DSCAM: variants seen among roughly 807,000 people sequenced by gnomAD.
The protein encoded by DSCAM is cell adhesion molecule DSCAM.
Under a neutral mutation model 217.7 loss-of-function variants are expected in DSCAM, and 47 were observed. The observed-to-expected ratio is 0.22, with a 90% CI of 0.17 to 0.28. The LOEUF is 0.28. Among genes scored for constraint, DSCAM ranks in the 10% least tolerant of loss-of-function variants. The pLI, the probability that DSCAM is intolerant of heterozygous loss-of-function variation, is 1.00. For synonymous variants in DSCAM, 1,056 were observed against 1,015.3 expected (o/e 1.04, Z -0.76); for missense variants, 2,080 against 2,618.3 (o/e 0.79, Z 4.49).
chr21:40,449,984 TG>T (rs1469632996), intron 3 of DSCAM, among the ~76,000 whole-genome samples: 1 of 152,232 alleles, frequency 6.6e-6, no homozygotes, highest in Non-Finnish European at 1.5e-5. Flanking sequence ...TTTGATTTTT[TG>T]TGTTTCTTTT....
At chr21:40,393,618 T>A (rs539395915) in intron 3 of DSCAM, among the ~76,000 whole-genome samples, 1 of 152,276 alleles carries the variant, frequency 6.6e-6, no homozygotes, top group South Asian at 2.1e-4. Flanking sequence ...TCCCACATAA[T>A]TCCATTACCA....
chr21:40,039,991 G>A (rs908038620), intron 32 of DSCAM, among the ~76,000 whole-genome samples: 5 of 152,226 alleles, frequency 3.3e-5, no homozygotes, highest in African/African-American at 1.2e-4. Context: ...CACAGCTCTA[G>A]GAGCTGCTAA....
intron 4 of DSCAM, among the ~76,000 whole-genome samples, chr21:40,363,345 T>C (rs112773296): frequency 6.8e-6 from 1 of 147,076 alleles, no homozygotes; most frequent in Non-Finnish European, 1.5e-5. Context: ...CTCTGCCTCC[T>C]GAGTTCAAGC....
chr21:40,423,593 C>T (rs60678628), intron 3 of DSCAM, among the ~76,000 whole-genome samples: 10,586 of 152,256 alleles, frequency 0.07, 578 homozygotes, highest in African/African-American at 0.15. Flanking sequence ...AAGTGTACTT[C>T]CCTTTCTTTC....
At chr21:40,790,915 G>C (rs1043490561) in intron 1 of DSCAM, among the ~76,000 whole-genome samples, 1 of 152,096 alleles carries the variant, frequency 6.6e-6, no homozygotes, top group Non-Finnish European at 1.5e-5. Flanking sequence ...AGTGGCTCAT[G>C]CCTGTAATCC....
At chr21:40,219,335 A>G (rs190223396) in intron 11 of DSCAM, among the ~76,000 whole-genome samples, 1 of 152,178 alleles carries the variant, frequency 6.6e-6, no homozygotes, top group African/African-American at 2.4e-5. Flanking sequence ...CTACTTGATC[A>G]TGGTGGTCAA....
chr21:40,210,150 C>G (rs55662149), intron 11 of DSCAM, among the ~76,000 whole-genome samples: 3,686 of 152,188 alleles, frequency 0.024, 82 homozygotes, highest in African/African-American at 0.053. Flanking sequence ...GTATGACTGG[C>G]TGGCACTGTT....
intron 32 of DSCAM, among the ~76,000 whole-genome samples, chr21:40,035,678 A>G (rs1298217965): frequency 8.6e-5 from 13 of 150,708 alleles, no homozygotes; most frequent in Non-Finnish European, 1.9e-4. Flanking sequence ...ATAGACATCT[A>G]CAGAACTCTC....
At chr21:40,770,529 G>T (rs1265968776) in intron 1 of DSCAM, among the ~76,000 whole-genome samples, 1 of 152,198 alleles carries the variant, frequency 6.6e-6, no homozygotes, top group Admixed American at 6.5e-5. Flanking sequence ...ATGCAATATT[G>T]TCAAAATTGC....
chr21:40,681,489 C>CT (rs57356615), intron 3 of DSCAM, among the ~76,000 whole-genome samples: 5,437 of 145,712 alleles, frequency 0.037, 328 homozygotes, highest in African/African-American at 0.13. Context: ...CTTAAAAATG[C>CT]TTTTTTTTTT....
intron 3 of DSCAM, among the ~76,000 whole-genome samples, chr21:40,591,729 C>A (rs1484503910): frequency 6.6e-6 from 1 of 152,152 alleles, no homozygotes; most frequent in Non-Finnish European, 1.5e-5. Context: ...AAACTGAATT[C>A]TAATTTAATA....
At chr21:40,499,437 G>A (rs1019495950) in intron 3 of DSCAM, among the ~76,000 whole-genome samples, 2 of 152,180 alleles carry the variant, frequency 1.3e-5, no homozygotes, top group East Asian at 1.9e-4. Context: ...CATATAGGAT[G>A]ATAGCAGCCA....
intron 1 of DSCAM, among the ~76,000 whole-genome samples, chr21:40,738,187 G>C (rs1437367828): frequency 6.6e-6 from 1 of 152,184 alleles, no homozygotes; most frequent in East Asian, 1.9e-4. Context: ...TTAGTTTCTT[G>C]CTTTTGAGAG....
chr21:40,790,169 T>C (rs1368657889), intron 1 of DSCAM, among the ~76,000 whole-genome samples: 1 of 145,392 alleles, frequency 6.9e-6, no homozygotes, highest in Non-Finnish European at 1.5e-5. Context: ...TGCAAACGTT[T>C]TTCTTTCTTT....
intron 1 of DSCAM, among the ~76,000 whole-genome samples, chr21:40,712,508 TTATC>T (rs142727820): frequency 0.13 from 18,835 of 148,134 alleles, 1,295 homozygotes; most frequent in East Asian, 0.21. Context: ...AATCTAACAT[TTATC>T]TATTATATAA....
intron 20 of DSCAM, among the ~76,000 whole-genome samples, chr21:40,110,356 C>G (rs1601339438): frequency 6.6e-6 from 1 of 152,190 alleles, no homozygotes; most frequent in Non-Finnish European, 1.5e-5. Context: ...CCTGAGGGTC[C>G]TGACTGTCAG....
intron 3 of DSCAM, among the ~76,000 whole-genome samples, chr21:40,391,298 G>T (rs2210267): frequency 0.68 from 103,132 of 152,122 alleles, 35,835 homozygotes; most frequent in African/African-American, 0.82. Flanking sequence ...CTTAAAAATC[G>T]CTGAGTGCAT....
In DSCAM at chr21:40,819,271, T is replaced by G. The variant is rs191220926; in HGVS notation, c.43+27348A>C. 2.5e-3 allele frequency among the ~76,000 whole-genome samples: 377 copies of G among 152,338 alleles called. 5 individuals are homozygous for G. Among genetic ancestry groups the G allele is most frequent in the African/African-American group, 8.4e-3 (348 of 41,582 alleles). On this transcript the variant is annotated intron_variant, in intron 1 of 32. Coordinates refer to ENST00000400454, the MANE Select transcript of DSCAM (RefSeq NM_001389.5). Reference sequence around the variant, plus strand: ...AATTCTCTTTCAGCTAATTTAACATTTTACCGTAATTGAACACAGATTGCC... The same window carrying G: ...AATTCTCTTTCAGCTAATTTAACATGTTACCGTAATTGAACACAGATTGCC...
intron 11 of DSCAM, among the ~76,000 whole-genome samples, chr21:40,240,176 C>T (rs1304638281): frequency 6.6e-6 from 1 of 152,118 alleles, no homozygotes; most frequent in Admixed American, 6.5e-5. Flanking sequence ...CCGATCTATA[C>T]AACCACAGGA....
Sources: gnomAD v4.1 joint callset for allele counts (sites outside exome capture counted in the v4.1 genomes callset) on GRCh38, gnomAD v4.1.1 for gene constraint, MANE v1.5 for transcripts, NCBI Gene and HGNC (gene_info 2026-07-23, HGNC 2026-07-21) for gene names.